Variants in BTG1 observed in about 807,000 individuals in gnomAD.
BTG1 encodes BTG anti-proliferation factor 1.
A neutral mutation model predicts 15.2 loss-of-function variants in BTG1; 2 were observed. The observed-to-expected ratio is 0.13, with a 90% CI of 0.05 to 0.41. BTG1 has a LOEUF of 0.41. Ranked by LOEUF, BTG1 falls within the 10% of genes least tolerant of loss-of-function variation. The pLI, the probability that BTG1 is intolerant of heterozygous loss-of-function variation, is 0.99. For missense variants in BTG1, 149 were observed against 215.0 expected (o/e 0.69, Z 1.92); for synonymous variants, 109 against 82.4 (o/e 1.32, Z -1.75).
In BTG1 at chr12:92,144,451, TAGA is replaced by T; in HGVS notation, c.149-7_149-5del. The T allele has an allele frequency of 6.2e-7, 1 of 1,611,850 alleles. No homozygotes were observed. The highest frequency in any genetic ancestry group is 1.1e-5 in the South Asian group (1 of 90,648). On this transcript the variant is annotated splice_region_variant and splice_polypyrimidine_tract_variant and intron_variant, in intron 1 of 1. Transcript: ENST00000256015. ...AACCAGTGATGTTTATAATGTTCTA[TAGA>T]AGAAAAGAAGAACAGAGAAACAACG... is the stretch of plus-strand genomic sequence containing the variant.
chr12:92,145,161 T>C, intron 1 of BTG1: 1 of 528,762 alleles, frequency 1.9e-6, no homozygotes, highest in Non-Finnish European at 2.9e-6. Flanking sequence ...TGTTGTCTTC[T>C]CCTCTCCGTT....
chr12:92,142,250 G>A lies in BTG1; in HGVS notation c.*1830C>T, dbSNP rs1057336755. 1.3e-5 allele frequency: 3 copies of A among 231,126 alleles called. No homozygotes were observed. The highest frequency in any genetic ancestry group is 6.6e-5 in the African/African-American group (3 of 45,216). 14.3% of individuals were successfully genotyped at this position (231,126 alleles called of 1,614,324 possible). ...TCAGAATAATTTATTCCTGGGTGTAGAAATAACTTCTTAAAAGTTATTTGA... is the reference window on the plus strand; with the variant it reads ...TCAGAATAATTTATTCCTGGGTGTAAAAATAACTTCTTAAAAGTTATTTGA... On this transcript the variant is annotated 3_prime_UTR_variant, in exon 2 of 2. Transcript: ENST00000256015.
At position 92,143,044 on chromosome 12, in the gene BTG1, AAC is replaced by A. The variant is rs1870352974; in HGVS notation, c.*1034_*1035del. 4 of 232,886 alleles carry A rather than the reference AAC, an allele frequency of 1.7e-5. No individual in the cohort carries two copies. The highest frequency in any genetic ancestry group is 1.2e-3 in the Middle Eastern group (1 of 804). 14.4% of individuals were successfully genotyped at this position (232,886 alleles called of 1,614,324 possible). On this transcript the variant is annotated 3_prime_UTR_variant, in exon 2 of 2. Transcript: ENST00000256015. The stretch of plus-strand genomic sequence containing the variant: ...TGTTTTTCCAGCATGACCAGTGTGC[AAC>A]AGAGATTCAGTTTATAGAACCTGTC...
intron 1 of BTG1, among the ~76,000 whole-genome samples, chr12:92,144,676 G>A (rs974200125): frequency 2.0e-5 from 3 of 152,216 alleles, no homozygotes; most frequent in Non-Finnish European, 2.9e-5. Flanking sequence ...CCAACCGGTT[G>A]AGCCGCCAAA....
Position 92,142,245 on chromosome 12 carries a change from G to A in BTG1, c.*1835C>T, listed in dbSNP as rs1870283143. 2 of 231,128 alleles carry A rather than the reference G, an allele frequency of 8.7e-6. No homozygotes were observed. Among genetic ancestry groups the A allele is most frequent in the Non-Finnish European group, 1.7e-5 (2 of 116,970 alleles). 14.3% of individuals were successfully genotyped at this position (231,128 alleles called of 1,614,324 possible). A position where few individuals can be genotyped will look rare whatever the true frequency, so the allele number is the denominator to read the frequency against. The stretch of plus-strand genomic sequence containing the variant: ...CAAAATCAGAATAATTTATTCCTGG[G>A]TGTAGAAATAACTTCTTAAAAGTTA... On this transcript the variant is annotated 3_prime_UTR_variant, in exon 2 of 2. Transcript: ENST00000256015.
Position 92,143,886 on chromosome 12 carries a change from A to T in BTG1, c.*194T>A. 3.4e-6 allele frequency: 2 copies of T among 579,888 alleles called. No individual in the cohort carries two copies. The highest frequency in any genetic ancestry group is 5.0e-5 in the South Asian group (2 of 40,400). 35.9% of individuals were successfully genotyped at this position (579,888 alleles called of 1,614,324 possible). A position where few individuals can be genotyped will look rare whatever the true frequency, so the allele number is the denominator to read the frequency against. On this transcript the variant is annotated 3_prime_UTR_variant, in exon 2 of 2. Transcript: ENST00000256015. ...CTTGGACTCACAGGCTATTAAAATT[A>T]ATCATTGAAAGGTACTGTCCAAACT...
At position 92,144,516 on chromosome 12, in the gene BTG1, C is replaced by T. The variant is rs1415500983; in HGVS notation, c.149-69G>A. ...TAGCTCCCACTGCGGATTCCTCCTA[C>T]CCCAGGCTCCTTTGAGGAGCGAAAA... On this transcript the variant is annotated intron_variant, in intron 1 of 1. Transcript: ENST00000256015. 9 of 1,577,210 alleles carry T rather than the reference C, an allele frequency of 5.7e-6. No individual in the cohort carries two copies. The South Asian group carries it at 8.2e-5, about 14-fold the overall frequency.
rs771866021 is a variant in BTG1, at chr12:92,145,420, G to T, written c.116C>A (p.Thr39Asn). ...KGLTSERQLQ[T>N]FSQSLQELLA... ...CAGCTCCTGCAGGCTCTGGCTGAAG[G>T]TCTGCAGCTGTCGCTCGCTCGTGAG... The change falls in exon 1 of 2, where the codon ACC (threonine) becomes AAC (asparagine). Residue 39 changes from threonine (T) to asparagine (N), a missense_variant. Around this residue, in one of 3 missense-constraint regions of BTG1, gnomAD observed 63 missense variants for 60.8 expected, o/e 1.04. Coordinates refer to ENST00000256015, the MANE Select transcript of BTG1 (RefSeq NM_001731.3). 1.3e-6 allele frequency: 2 copies of T among 1,591,062 alleles called. No individual in the cohort carries two copies. The highest frequency in any genetic ancestry group is 4.8e-5 in the East Asian group (2 of 41,368).
In BTG1 at chr12:92,142,402, A is replaced by T. The variant is rs961253367; in HGVS notation, c.*1678T>A. The T allele has an allele frequency of 1.7e-5, 4 of 231,432 alleles. No individual in the cohort carries two copies. In the Admixed American group the frequency reaches 2.3e-4, roughly 13 times the overall value. 14.3% of individuals were successfully genotyped at this position (231,432 alleles called of 1,614,324 possible). ...GTGTAGAGCAAAATTCAATTTTTCC[A>T]CTTTCAATTTCCACTGAAAAACGCT... On this transcript the variant is annotated 3_prime_UTR_variant, in exon 2 of 2. Transcript: ENST00000256015.
rs933388666 is a variant in BTG1 at position 92,144,599 on chromosome 12, G to C, written c.149-152C>G. On this transcript the variant is annotated intron_variant, in intron 1 of 1. Coordinates refer to ENST00000256015, the MANE Select transcript of BTG1 (RefSeq NM_001731.3). ...TTGCATCCGTTGTTGTGCATGTGCG[G>C]GGATGGAAAAAGCGGGCAGGGTTTT... The C allele has an allele frequency of 3.0e-5, 32 of 1,078,072 alleles. No homozygotes were observed. In the South Asian group the frequency reaches 5.0e-4, roughly 17 times the overall value. The allele number at this position is 1,078,072 out of a possible 1,614,324, so 66.8% of individuals were successfully genotyped here.
At position 92,140,862 on chromosome 12, in the gene BTG1, A is replaced by C. The variant is rs535431664; in HGVS notation, c.*3218T>G. 1 of 232,512 alleles carries C rather than the reference A, an allele frequency of 4.3e-6. No homozygotes were observed. 14.4% of individuals were successfully genotyped at this position (232,512 alleles called of 1,614,324 possible). On this transcript the variant is annotated 3_prime_UTR_variant, in exon 2 of 2. Coordinates refer to ENST00000256015, the MANE Select transcript of BTG1 (RefSeq NM_001731.3). Reference sequence around the variant, plus strand: ...CCATGCATAGATAAAACTATTGACAAATGTTCTCCATATAGCCTATCAAGA... The same window carrying C: ...CCATGCATAGATAAAACTATTGACACATGTTCTCCATATAGCCTATCAAGA...
Position 92,142,667 on chromosome 12 carries a change from A to C in BTG1, c.*1413T>G. ...ACATCTTGCAGGTGATGAAAAGCAAAAAGCAACCAATCTCTCTGTGGTGTT... is the reference window on the plus strand; with the variant it reads ...ACATCTTGCAGGTGATGAAAAGCAACAAGCAACCAATCTCTCTGTGGTGTT... On this transcript the variant is annotated 3_prime_UTR_variant, in exon 2 of 2. Transcript: ENST00000256015. 4.3e-6 allele frequency: 1 copy of C among 233,122 alleles called. No homozygotes were observed. Among genetic ancestry groups the C allele is most frequent in the East Asian group, 6.1e-5 (1 of 16,528 alleles). The allele number at this position is 233,122 out of a possible 1,614,324, so 14.4% of individuals were successfully genotyped here.
In BTG1 at chr12:92,144,112, T is replaced by C. The variant is rs903271967; in HGVS notation, c.484A>G (p.Lys162Glu). 1 of 1,613,178 alleles carries C rather than the reference T, an allele frequency of 6.2e-7. No homozygotes were observed. ...ELLLGRTSPS[K>E]NYNMMTVSG ...GATACAGTCATCATATTGTAGTTTT[T>C]GGAAGGGCTCGTTCTGCCCAAGAGA... is the stretch of plus-strand genomic sequence containing the variant. The change falls in exon 2 of 2, where the codon AAA becomes GAA. Residue 162 changes from lysine to glutamate, a missense_variant. By Grantham distance (56) the Lys-to-Glu change is moderately conservative. Transcript: ENST00000256015.
chr12:92,144,627 A>T (rs573300322), intron 1 of BTG1, among the ~76,000 whole-genome samples, 180 bp from the exon 2 acceptor site: 2 of 152,312 alleles, frequency 1.3e-5, no homozygotes, highest in East Asian at 3.9e-4. Context: ...AGGGTTTTAG[A>T]AATAACACAG....
In BTG1 at chr12:92,144,439, TATA is replaced by T; in HGVS notation, c.154_156del (p.Tyr52del). 1 of 1,613,808 alleles carries T rather than the reference TATA, an allele frequency of 6.2e-7. No individual in the cohort carries two copies. Among genetic ancestry groups the T allele is most frequent in the Non-Finnish European group, 8.5e-7 (1 of 1,179,956 alleles). On this transcript the variant is annotated inframe_deletion, in exon 2 of 2. Coordinates refer to ENST00000256015, the MANE Select transcript of BTG1 (RefSeq NM_001731.3). Reference sequence around the variant, plus strand: ...GGCTTTTCTGGGAACCAGTGATGTTTATAATGTTCTATAGAAGAAAAGAAGAAC... The same window carrying T: ...GGCTTTTCTGGGAACCAGTGATGTTTATGTTCTATAGAAGAAAAGAAGAAC...
In BTG1 at chr12:92,142,319, T is replaced by C. The variant is rs1034887638; in HGVS notation, c.*1761A>G. 14 of 230,930 alleles carry C rather than the reference T, an allele frequency of 6.1e-5. No individual in the cohort carries two copies. In the East Asian group the frequency reaches 8.7e-4, roughly 14 times the overall value. The allele number at this position is 230,930 out of a possible 1,614,324, so 14.3% of individuals were successfully genotyped here. A position where few individuals can be genotyped will look rare whatever the true frequency, so the allele number is the denominator to read the frequency against. ...ATTACTAATTTTATTTCAGACTGCGTATTTCCAGTGTCAACATGTTTACAT... is the reference window on the plus strand; with the variant it reads ...ATTACTAATTTTATTTCAGACTGCGCATTTCCAGTGTCAACATGTTTACAT... On this transcript the variant is annotated 3_prime_UTR_variant, in exon 2 of 2. Transcript: ENST00000256015.
chr12:92,141,912 T>G lies in BTG1; in HGVS notation c.*2168A>C, dbSNP rs905730482. 3.1e-4 allele frequency: 70 copies of G among 228,664 alleles called. No homozygotes were observed. Among genetic ancestry groups the G allele is most frequent in the Admixed American group, 1.5e-3 (26 of 17,490 alleles). 14.2% of individuals were successfully genotyped at this position (228,664 alleles called of 1,614,324 possible). On this transcript the variant is annotated 3_prime_UTR_variant, in exon 2 of 2. Transcript: ENST00000256015. The stretch of plus-strand genomic sequence containing the variant: ...AAGGCTTTATGATAAAAAAAAAAAA[T>G]GGTTGAGGTACTTAGTTTCAATGGA...
In BTG1 at chr12:92,141,520, G is replaced by A. The variant is rs888271443; in HGVS notation, c.*2560C>T. The A allele has an allele frequency of 2.6e-5, 6 of 231,290 alleles. No homozygotes were observed. The highest frequency in any genetic ancestry group is 1.3e-4 in the African/African-American group (6 of 45,268). The allele number at this position is 231,290 out of a possible 1,614,324, so 14.3% of individuals were successfully genotyped here. On this transcript the variant is annotated 3_prime_UTR_variant, in exon 2 of 2. Transcript: ENST00000256015. ...CAAACTTACTGCCAATCACAACTAT[G>A]AATTCCTGGTGCCAAAGGCAACAAT...
rs1307656919 is a variant in BTG1 at position 92,141,126 on chromosome 12, C to T, written c.*2954G>A. The T allele has an allele frequency of 8.6e-6, 2 of 232,698 alleles. No homozygotes were observed. Among genetic ancestry groups the T allele is most frequent in the African/African-American group, 4.4e-5 (2 of 45,316 alleles). The allele number at this position is 232,698 out of a possible 1,614,324, so 14.4% of individuals were successfully genotyped here. A position where few individuals can be genotyped will look rare whatever the true frequency, so the allele number is the denominator to read the frequency against. ...TAAACACTAGCCATCGGGAATACGG[C>T]TTCCTTCCTTTTAACTTGAAGGCCA... On this transcript the variant is annotated 3_prime_UTR_variant, in exon 2 of 2. Coordinates refer to ENST00000256015, the MANE Select transcript of BTG1 (RefSeq NM_001731.3).
Sources: allele counts gnomAD v4.1 joint callset (sites outside exome capture counted in the v4.1 genomes callset), GRCh38; gene constraint gnomAD v4.1.1; regional missense constraint gnomAD v4.1.1; transcripts MANE v1.5; gene names NCBI Gene and HGNC (gene_info 2026-07-23, HGNC 2026-07-21).